ZNG1E: variants seen among roughly 807,000 people sequenced by gnomAD.
The protein encoded by ZNG1E is zinc-regulated GTPase metalloprotein activator 1E.
chr9:65,678,117 T>C, the ZNG1E span, among the ~76,000 whole-genome samples: 2 of 149,054 alleles, frequency 1.3e-5, no homozygotes, highest in Non-Finnish European at 3.0e-5. Flanking sequence ...TTTTTCATAA[T>C]ATGGTTAAAA....
chr9:65,666,325 G>A, the ZNG1E span, among the ~76,000 whole-genome samples: 1 of 149,356 alleles, frequency 6.7e-6, no homozygotes, highest in Non-Finnish European at 1.5e-5. Context: ...TGATGGTTTT[G>A]AAAAGGGGAG....
the ZNG1E span, among the ~76,000 whole-genome samples, chr9:65,717,517 G>A: frequency 1.3e-5 from 2 of 149,728 alleles, no homozygotes; most frequent in East Asian, 3.9e-4. Context: ...TTGACTATCA[G>A]TGCTGTTCAC....
chr9:65,668,843 T>G, the ZNG1E span: 1 of 101,112 alleles, frequency 9.9e-6, no homozygotes, highest in Non-Finnish European at 1.9e-5. Flanking sequence ...CTTATATTAT[T>G]TAAAAAACAA....
chr9:65,665,287 C>A, the ZNG1E span, among the ~76,000 whole-genome samples: 1 of 152,268 alleles, frequency 6.6e-6, no homozygotes, highest in African/African-American at 2.4e-5. Flanking sequence ...GGCCCAGGGT[C>A]CCTCTGCTGT....
chr9:65,659,990 G>A, the ZNG1E span, among the ~76,000 whole-genome samples: 2 of 149,140 alleles, frequency 1.3e-5, no homozygotes, highest in Non-Finnish European at 3.0e-5. Context: ...GAGTTCACTC[G>A]ATGCACACTT....
At chr9:65,677,156 T>G in the ZNG1E span, 2 of 1,547,326 alleles carry the variant, frequency 1.3e-6, no homozygotes. Flanking sequence ...ACTGAGAAGA[T>G]GAACAAATTT....
chr9:65,659,217 G>C, the ZNG1E span, among the ~76,000 whole-genome samples: 2 of 152,078 alleles, frequency 1.3e-5, no homozygotes, highest in Non-Finnish European at 2.9e-5. Flanking sequence ...GAGAAAAGAG[G>C]CCAGGCATGG....
At chr9:65,675,218 G>T in the ZNG1E span, among the ~76,000 whole-genome samples, 1,797 of 149,716 alleles carry the variant, frequency 0.012, no homozygotes, top group East Asian at 0.028. Context: ...ATGCTTTTAC[G>T]TCAGGAATGA....
chr9:65,677,931 CA>C, the ZNG1E span, among the ~76,000 whole-genome samples: 1 of 150,158 alleles, frequency 6.7e-6, no homozygotes. Context: ...CACCCTGAGA[CA>C]TAATTGCCTC....
the ZNG1E span, among the ~76,000 whole-genome samples, chr9:65,657,818 C>T: frequency 3.3e-5 from 5 of 152,282 alleles, no homozygotes; most frequent in African/African-American, 7.2e-5. Flanking sequence ...CATTAAAATG[C>T]CTGCCGGGCA....
At chr9:65,658,055 C>T in the ZNG1E span, among the ~76,000 whole-genome samples, 2 of 151,284 alleles carry the variant, frequency 1.3e-5, no homozygotes, top group Admixed American at 6.6e-5. Context: ...GCCGAGACCG[C>T]ACCATTGCAC....
chr9:65,702,335 G>A, the ZNG1E span, among the ~76,000 whole-genome samples: 3 of 151,908 alleles, frequency 2.0e-5, no homozygotes, highest in South Asian at 4.2e-4. Flanking sequence ...GAGGTGTACA[G>A]TGTGCTGAAA....
At chr9:65,663,154 A>T in the ZNG1E span, among the ~76,000 whole-genome samples, 1 of 152,270 alleles carries the variant, frequency 6.6e-6, no homozygotes, top group Non-Finnish European at 1.5e-5. Context: ...TTTCTCTCCA[A>T]TGTTTACTGA....
the ZNG1E span, among the ~76,000 whole-genome samples, chr9:65,672,613 G>T: frequency 6.6e-6 from 1 of 151,606 alleles, no homozygotes; most frequent in African/African-American, 2.4e-5. Flanking sequence ...GCGTGGTGGT[G>T]CATACCTGTA....
the ZNG1E span, among the ~76,000 whole-genome samples, chr9:65,659,216 G>A: frequency 4.1e-4 from 62 of 152,208 alleles, no homozygotes; most frequent in African/African-American, 1.4e-3. Flanking sequence ...AGAGAAAAGA[G>A]GCCAGGCATG....
the ZNG1E span, chr9:65,720,157 A>G: frequency 4.6e-6 from 7 of 1,535,870 alleles, no homozygotes; most frequent in Non-Finnish European, 6.2e-6. Context: ...CTTTAACTAG[A>G]TAGGCTATGT....
chr9:65,722,697 A>ATTTTTTTTTTTTTTTTTT, the ZNG1E span, among the ~76,000 whole-genome samples: 16 of 8,400 alleles, frequency 1.9e-3, 3 homozygotes, highest in Non-Finnish European at 2.8e-3. Flanking sequence ...TGCCTAGCTA[A>ATTTTTTTTTTTTTTTTTT]TTTTTTTTTT....
chr9:65,690,133 G>T, the ZNG1E span, among the ~76,000 whole-genome samples: 8 of 91,456 alleles, frequency 8.7e-5, no homozygotes, highest in East Asian at 1.8e-3. Context: ...GTGATGCTTG[G>T]GGGACCACAT....
chr9:65,662,875 A>G, the ZNG1E span, among the ~76,000 whole-genome samples: 2 of 151,986 alleles, frequency 1.3e-5, no homozygotes, highest in East Asian at 1.9e-4. Context: ...TTCACTTAAT[A>G]TTAAAAAAGA....
Sources: gnomAD v4.1 joint callset for allele counts (sites outside exome capture counted in the v4.1 genomes callset) on GRCh38, gnomAD v4.1.1 for gene constraint, MANE v1.5 for transcripts, NCBI Gene and HGNC (gene_info 2026-07-23, HGNC 2026-07-21) for gene names.